The following CEP164 variants were observed in gnomAD, a reference collection of about 807,000 sequenced individuals.
The protein encoded by CEP164 is centrosomal protein 164, also known as centrosomal protein of 164 kDa.
CEP164 carries 162 observed loss-of-function variants against 182.7 expected under a neutral mutation model. That is an observed-to-expected ratio of 0.89 (90% CI 0.78 to 1.01). The LOEUF is 1.01. Among genes scored for constraint, CEP164 ranks in the 50% least tolerant of loss-of-function variants. CEP164 has a pLI of 0.00. For missense variants in CEP164, 1,735 were observed against 1,790.4 expected, an observed-to-expected ratio of 0.97 and a Z score of 0.56; for synonymous variants, 661 against 690.0, an observed-to-expected ratio of 0.96 and a Z score of 0.66.
chr11:117,370,937 C>G, intron 8 of CEP164, 143 bp from the exon 9 acceptor site: 1 of 807,034 alleles, frequency 1.2e-6, no homozygotes, highest in Non-Finnish European at 1.9e-6. Context: ...AAATTAACAA[C>G]TGGGTGATTG....
rs1565598887 is a variant in CEP164, at chr11:117,396,668, G to A, written c.3278+57G>A. On this transcript the variant is annotated intron_variant, in intron 26 of 32. Transcript: ENST00000278935. Reference sequence around the variant, plus strand: ...TAGGGTACCATGAAGGGGTAAGTGAGTACCTGCATCATAGAGCTGGGGTGA... The same window carrying A: ...TAGGGTACCATGAAGGGGTAAGTGAATACCTGCATCATAGAGCTGGGGTGA... 2.2e-6 allele frequency: 3 copies of A among 1,338,894 alleles called. No individual in the cohort carries two copies. The Admixed American group carries it at 5.0e-5, about 22-fold the overall frequency. The allele number at this position is 1,338,894 out of a possible 1,614,324, so 82.9% of individuals were successfully genotyped here.
At chr11:117,402,786 T>A (rs1169688235) in intron 27 of CEP164, among the ~76,000 whole-genome samples, 1 of 152,216 alleles carries the variant, frequency 6.6e-6, no homozygotes. Flanking sequence ...GTCTCGTTGA[T>A]CTGTCTAATA....
At chr11:117,358,806 G>A (rs2040600871) in intron 5 of CEP164, among the ~76,000 whole-genome samples, 1 of 152,024 alleles carries the variant, frequency 6.6e-6, no homozygotes, top group Admixed American at 6.6e-5. Flanking sequence ...AAGTACTGGG[G>A]TTATAGGTGT....
intron 1 of CEP164, among the ~76,000 whole-genome samples, chr11:117,334,190 GAAAT>G (rs773027004): frequency 2.6e-5 from 4 of 152,200 alleles, no homozygotes; most frequent in Non-Finnish European, 5.9e-5. Flanking sequence ...CTAGCGCCTA[GAAAT>G]AAATGCACGT....
rs1275949070 is a variant in CEP164, at chr11:117,393,848, A to G, written c.2617-502A>G. Among the ~76,000 whole-genome samples, 5 of 152,214 alleles carry G rather than the reference A, an allele frequency of 3.3e-5. No homozygotes were observed. The East Asian group carries it at 7.7e-4, about 23-fold the overall frequency. ...GCCTTGCTCACATTGAGGGTGAACA[A>G]TGGGTGGGTAGAGGGTGGCTGACTA... On this transcript the variant is annotated intron_variant, in intron 20 of 32. Coordinates refer to ENST00000278935, the MANE Select transcript of CEP164 (RefSeq NM_014956.5).
intron 2 of CEP164, chr11:117,336,369 G>T: frequency 7.1e-7 from 1 of 1,415,460 alleles, no homozygotes. Context: ...TCACAGGAGG[G>T]ATTCCAGGGG....
chr11:117,388,169 C>T (rs2136262797), intron 15 of CEP164, among the ~76,000 whole-genome samples: 1 of 152,330 alleles, frequency 6.6e-6, no homozygotes, highest in Non-Finnish European at 1.5e-5. Context: ...GGCGCTGTGT[C>T]CCTGCCAGCC....
chr11:117,399,963 T>G (rs1386523102), intron 27 of CEP164, among the ~76,000 whole-genome samples: 1 of 152,226 alleles, frequency 6.6e-6, no homozygotes, highest in Non-Finnish European at 1.5e-5. Flanking sequence ...GGTAGTTTCT[T>G]TTGCTGTGCA....
At chr11:117,370,549 G>A (rs1315052172) in intron 8 of CEP164, among the ~76,000 whole-genome samples, 1 of 152,198 alleles carries the variant, frequency 6.6e-6, no homozygotes, top group African/African-American at 2.4e-5. Flanking sequence ...ATCAGCTTGG[G>A]TATATCCAAA....
rs1295536967 is a variant in CEP164, at chr11:117,344,204, A to G, written c.121A>G (p.Ile41Val). The stretch of plus-strand genomic sequence containing the variant: ...TGCCCGGGAGATTGGTATTGATCCC[A>G]TCAAGGAACCAGAACTGATGTGGCT... ...EFAREIGIDP[I>V]KEPELMWLAR... is the part of the protein sequence containing the mutation. The change falls in exon 4 of 33, where the codon ATC becomes GTC. Residue 41 changes from isoleucine (I) to valine (V), a missense_variant. Physicochemically the swap from Ile to Val is conservative, Grantham distance 29. Coordinates refer to ENST00000278935, the MANE Select transcript of CEP164 (RefSeq NM_014956.5). The G allele has an allele frequency of 6.2e-7, 1 of 1,613,586 alleles. No individual in the cohort carries two copies. The highest frequency in any genetic ancestry group is 1.7e-5 in the Admixed American group (1 of 59,960).
chr11:117,390,067 C>A (rs1047480720), intron 15 of CEP164, among the ~76,000 whole-genome samples: 2 of 151,518 alleles, frequency 1.3e-5, no homozygotes, highest in African/African-American at 2.4e-5. Context: ...CTCAGCCTCC[C>A]AAGTAGCTGG....
intron 4 of CEP164, among the ~76,000 whole-genome samples, chr11:117,346,025 A>G (rs1344743239): frequency 6.6e-6 from 1 of 151,356 alleles, no homozygotes; most frequent in Non-Finnish European, 1.5e-5. Flanking sequence ...ACCTTCTCCC[A>G]CCTCTATTGA....
Position 117,413,122 on chromosome 11 carries a change from T to C in CEP164, c.*954T>C, listed in dbSNP as rs1031071182. 4 of 152,266 alleles carry C rather than the reference T, an allele frequency of 2.6e-5. No homozygotes were observed. The highest frequency in any genetic ancestry group is 7.2e-5 in the African/African-American group (3 of 41,466). 9.4% of individuals were successfully genotyped at this position (152,266 alleles called of 1,614,324 possible). ...CTGGCAGCAAGGGGTCTTTGTGCAG[T>C]TGGAGATGCTGCCGTTGTGGCAGAG... is the stretch of plus-strand genomic sequence containing the variant. On this transcript the variant is annotated 3_prime_UTR_variant, in exon 33 of 33. Transcript: ENST00000278935.
intron 27 of CEP164, among the ~76,000 whole-genome samples, chr11:117,399,530 C>A (rs1200383790): frequency 1.3e-5 from 2 of 152,202 alleles, no homozygotes; most frequent in Non-Finnish European, 2.9e-5. Flanking sequence ...AATGGTATTT[C>A]TGGTTCTAGA....
chr11:117,407,601 TG>T (rs1355941492), intron 27 of CEP164, among the ~76,000 whole-genome samples: 1 of 151,674 alleles, frequency 6.6e-6, no homozygotes, highest in African/African-American at 2.4e-5. Context: ...TACAATGAGT[TG>T]TAATCAGGCC....
intron 15 of CEP164, among the ~76,000 whole-genome samples, 199 bp from the exon 16 acceptor site, chr11:117,390,578 G>A (rs1488356335): frequency 6.6e-6 from 1 of 150,972 alleles, no homozygotes; most frequent in Non-Finnish European, 1.5e-5. Flanking sequence ...TAAGGCTGCA[G>A]TAAGCCATGA....
At chr11:117,333,540 C>G (rs1289846439) in intron 1 of CEP164, among the ~76,000 whole-genome samples, 3 of 151,964 alleles carry the variant, frequency 2.0e-5, no homozygotes, top group African/African-American at 7.3e-5. Context: ...ATTCCTCTCT[C>G]TTTTTTGAGA....
chr11:117,404,338 T>C (rs2046447373), intron 27 of CEP164, among the ~76,000 whole-genome samples: 1 of 152,250 alleles, frequency 6.6e-6, no homozygotes, highest in East Asian at 1.9e-4. Context: ...ATGGGGTTTT[T>C]GTGTGGATGT....
At chr11:117,398,900 C>T (rs1238899232) in intron 27 of CEP164, among the ~76,000 whole-genome samples, 1 of 152,224 alleles carries the variant, frequency 6.6e-6, no homozygotes, top group African/African-American at 2.4e-5. Context: ...TCCCCATTGT[C>T]TTGGAGATTC....
Sources: allele counts gnomAD v4.1 joint callset (sites outside exome capture counted in the v4.1 genomes callset), GRCh38; gene constraint gnomAD v4.1.1; transcripts MANE v1.5; gene names NCBI Gene and HGNC (gene_info 2026-07-23, HGNC 2026-07-21).